Variants in XPR1 observed in about 807,000 individuals in gnomAD.
XPR1 encodes the protein xenotropic and polytropic retrovirus receptor 1.
Under a neutral mutation model 87.5 loss-of-function variants are expected in XPR1, and 28 were observed. The observed-to-expected ratio is 0.32, with a 90% CI of 0.24 to 0.44. The LOEUF (loss-of-function observed/expected upper bound fraction) is 0.44. XPR1 is among the 20% of genes least tolerant of loss of function. The probability of loss-of-function intolerance (pLI) is 1.00; values close to 1 mark genes in which losing one functional copy is unlikely to be tolerated. For synonymous variants in XPR1, 300 were observed against 306.1 expected, an observed-to-expected ratio of 0.98 and a Z score of 0.21; for missense variants, 559 against 862.3, an observed-to-expected ratio of 0.65 and a Z score of 4.41.
intron 1 of XPR1, among the ~76,000 whole-genome samples, chr1:180,680,295 T>C (rs1656525082): frequency 6.8e-6 from 1 of 147,356 alleles, no homozygotes; most frequent in Non-Finnish European, 1.5e-5. Flanking sequence ...GGTGGGAATG[T>C]AAACTAGTAC....
chr1:180,783,781 G>A (rs563746817), intron 2 of XPR1, among the ~76,000 whole-genome samples: 3 of 152,016 alleles, frequency 2.0e-5, no homozygotes, highest in South Asian at 4.2e-4. Context: ...AAGGCTGGGC[G>A]TGGTGGCTCA....
intron 2 of XPR1, among the ~76,000 whole-genome samples, chr1:180,714,379 C>CTT (rs1657912868): frequency 6.9e-6 from 1 of 144,296 alleles, no homozygotes; most frequent in Non-Finnish European, 1.5e-5. Context: ...CTCTCTCTCT[C>CTT]TCTCTCTCTC....
intron 7 of XPR1, among the ~76,000 whole-genome samples, chr1:180,816,924 A>G (rs1220248662): frequency 6.6e-6 from 1 of 152,212 alleles, no homozygotes; most frequent in Non-Finnish European, 1.5e-5. Flanking sequence ...GTTCCAGAAG[A>G]AGGCATTAAT....
At chr1:180,748,400 C>CTGTTTTTTTT (rs1647362680) in intron 2 of XPR1, among the ~76,000 whole-genome samples, 1 of 29,650 alleles carries the variant, frequency 3.4e-5, no homozygotes, top group Non-Finnish European at 7.1e-5. Flanking sequence ...TTATTTATGT[C>CTGTTTTTTTT]TTTTTTTTTT....
At chr1:180,778,989 A>G (rs1396046916) in intron 2 of XPR1, among the ~76,000 whole-genome samples, 2 of 152,100 alleles carry the variant, frequency 1.3e-5, no homozygotes, top group Non-Finnish European at 2.9e-5. Flanking sequence ...CTCACCTCCT[A>G]TCACCACCTG....
At position 180,824,910 on chromosome 1, in the gene XPR1, G is replaced by A. The variant is rs151270778; in HGVS notation, c.921G>A (p.Pro307=). The A allele has an allele frequency of 2.1e-3, 3,331 of 1,613,698 alleles. 7 individuals carry two copies. The highest frequency in any genetic ancestry group is 2.6e-3 in the Non-Finnish European group (3,099 of 1,179,932). ...ATGTACTCATCTTTGAACTTAATCC[G>A]AGAAGCAATTTGTCTCATCAACATC... The part of the protein sequence containing the change: ...VNHVLIFELN[P]RSNLSHQHLF... Residue 307 remains proline (P), a synonymous_variant, in exon 8 of 15, where the codon CCG becomes CCA. Coordinates refer to ENST00000367590, the MANE Select transcript of XPR1 (RefSeq NM_004736.4).
intron 3 of XPR1, among the ~76,000 whole-genome samples, chr1:180,801,837 G>C (rs1240885960): frequency 6.7e-6 from 1 of 149,316 alleles, no homozygotes; most frequent in Non-Finnish European, 1.5e-5. Flanking sequence ...CTGGAGTGCA[G>C]TGGCACAATC....
chr1:180,661,481 G>A (rs1186869202), intron 1 of XPR1, among the ~76,000 whole-genome samples: 6 of 9,016 alleles, frequency 6.7e-4, no homozygotes, highest in African/African-American at 2.2e-3. Context: ...TTTTTCGTGT[G>A]TGTGTGTGTG....
chr1:180,765,545 C>A (rs1282589349), intron 2 of XPR1, among the ~76,000 whole-genome samples: 1 of 152,100 alleles, frequency 6.6e-6, no homozygotes, highest in African/African-American at 2.4e-5. Context: ...TTTCAGGACT[C>A]CCCTCAGATA....
chr1:180,840,605 T>A (rs1012500276), intron 11 of XPR1, among the ~76,000 whole-genome samples: 4 of 140,820 alleles, frequency 2.8e-5, no homozygotes, highest in African/African-American at 7.7e-5. Flanking sequence ...GGACAAAATT[T>A]TTTGCCCACA....
At chr1:180,864,673 T>G in intron 12 of XPR1, among the ~76,000 whole-genome samples, 1 of 152,246 alleles carries the variant, frequency 6.6e-6, no homozygotes, top group Admixed American at 6.5e-5. Context: ...TTTTAGGATT[T>G]TTTCTATGTA....
chr1:180,675,669 C>G (rs974677825), intron 1 of XPR1, among the ~76,000 whole-genome samples: 1 of 152,086 alleles, frequency 6.6e-6, no homozygotes, highest in South Asian at 2.1e-4. Context: ...TATACAAATT[C>G]GGAGTTTTAT....
At chr1:180,669,728 A>T (rs1191868188) in intron 1 of XPR1, among the ~76,000 whole-genome samples, 2 of 152,208 alleles carry the variant, frequency 1.3e-5, no homozygotes, top group East Asian at 3.8e-4. Flanking sequence ...ACTTGAAACC[A>T]TGGATAGTAC....
At chr1:180,638,845 C>A (rs949792462) in intron 1 of XPR1, among the ~76,000 whole-genome samples, 2 of 152,020 alleles carry the variant, frequency 1.3e-5, no homozygotes, top group African/African-American at 4.8e-5. Flanking sequence ...ACAAATAAAT[C>A]TTGTACTACT....
intron 11 of XPR1, among the ~76,000 whole-genome samples, chr1:180,855,052 G>C (rs887538925): frequency 1.3e-5 from 2 of 152,162 alleles, no homozygotes; most frequent in Non-Finnish European, 2.9e-5. Flanking sequence ...ACTATGTCCA[G>C]CATGGTACAT....
chr1:180,764,366 A>T (rs894937423), intron 2 of XPR1, among the ~76,000 whole-genome samples: 4 of 152,178 alleles, frequency 2.6e-5, no homozygotes, highest in Non-Finnish European at 4.4e-5. Flanking sequence ...ATCCAAAAAA[A>T]TTCCAAACCT....
intron 2 of XPR1, among the ~76,000 whole-genome samples, chr1:180,748,400 C>CTTTTTTTTTTTTTGT (rs1647362993): frequency 3.4e-5 from 1 of 29,650 alleles, no homozygotes; most frequent in Non-Finnish European, 7.1e-5. Flanking sequence ...TTATTTATGT[C>CTTTTTTTTTTTTTGT]TTTTTTTTTT....
chr1:180,849,785 T>A (rs1651804705), intron 11 of XPR1, among the ~76,000 whole-genome samples: 1 of 152,180 alleles, frequency 6.6e-6, no homozygotes, highest in South Asian at 2.1e-4. Context: ...AAGGAGGTTT[T>A]AAGGACATAT....
Position 180,696,208 on chromosome 1 carries a change from GTATATATATATATA to G in XPR1, c.121+13807_121+13820del, listed in dbSNP as rs71121045. Reference sequence around the variant, plus strand: ...TGTGTGTGTGTGTGTGTGTGTGTGTGTATATATATATATATATATATATTATGGTAGCTATTGTA... The same window carrying G: ...TGTGTGTGTGTGTGTGTGTGTGTGTGTATATATATTATGGTAGCTATTGTA... On this transcript the variant is annotated intron_variant, in intron 2 of 14. Coordinates refer to ENST00000367590, the MANE Select transcript of XPR1 (RefSeq NM_004736.4). 4.4e-3 allele frequency among the ~76,000 whole-genome samples: 387 copies of G among 88,582 alleles called. 4 individuals carry two copies. The highest frequency in any genetic ancestry group is 0.013 in the African/African-American group (358 of 26,718). 58.1% of individuals were successfully genotyped at this position (88,582 alleles called of 152,430 possible).
Sources: allele counts gnomAD v4.1 joint callset (sites outside exome capture counted in the v4.1 genomes callset), GRCh38; gene constraint gnomAD v4.1.1; transcripts MANE v1.5; gene names NCBI Gene and HGNC (gene_info 2026-07-23, HGNC 2026-07-21).